Variants in STX17 observed in about 807,000 individuals in gnomAD.
STX17 encodes the protein syntaxin 17, also known as syntaxin-17.
Under a neutral mutation model 35.9 loss-of-function variants are expected in STX17, and 29 were observed. The observed-to-expected ratio is 0.81, with a 90% CI of 0.60 to 1.10. The LOEUF (loss-of-function observed/expected upper bound fraction) is 1.10. Among genes scored for constraint, STX17 ranks in the 50% least tolerant of loss-of-function variants. The pLI is 0.00. For synonymous variants in STX17, 92 were observed against 118.3 expected (o/e 0.78, Z 1.44); for missense variants, 312 against 352.3 (o/e 0.89, Z 0.92).
intron 2 of STX17, among the ~76,000 whole-genome samples, chr9:99,926,251 TAAC>T (rs1301776448): frequency 1.3e-5 from 2 of 152,152 alleles, no homozygotes; most frequent in Non-Finnish European, 2.9e-5. Context: ...CATATCATAA[TAAC>T]TGTTTTTAAT....
intron 4 of STX17, 116 bp downstream of exon 4, chr9:99,951,401 A>G (rs144907410): frequency 4.6e-4 from 399 of 872,100 alleles, no homozygotes; most frequent in Non-Finnish European, 5.4e-4. Flanking sequence ...CACTATCCCA[A>G]TATGCTGAAT....
intron 3 of STX17, among the ~76,000 whole-genome samples, chr9:99,931,019 C>T (rs1408943968): frequency 6.6e-6 from 1 of 152,140 alleles, no homozygotes. Flanking sequence ...CTCTTTCGCC[C>T]AGGCTGGAGT....
chr9:99,941,815 A>G (rs553822412), intron 3 of STX17, among the ~76,000 whole-genome samples: 5 of 152,324 alleles, frequency 3.3e-5, no homozygotes, highest in South Asian at 4.1e-4. Context: ...GTTTTTGCCT[A>G]TAACAATAGT....
At chr9:99,946,389 C>T (rs150702419) in intron 3 of STX17, among the ~76,000 whole-genome samples, 20 of 152,218 alleles carry the variant, frequency 1.3e-4, no homozygotes, top group Non-Finnish European at 2.4e-4. Flanking sequence ...GAAATTACAA[C>T]GTACATCTTT....
At chr9:99,928,078 A>G (rs1372570472) in intron 2 of STX17, among the ~76,000 whole-genome samples, 1 of 152,164 alleles carries the variant, frequency 6.6e-6, no homozygotes, top group East Asian at 1.9e-4. Context: ...ATCTGCTAAC[A>G]TTTTAATTAT....
chr9:99,924,796 A>G (rs1001671542), intron 2 of STX17, among the ~76,000 whole-genome samples: 2 of 150,702 alleles, frequency 1.3e-5, no homozygotes, highest in Middle Eastern at 3.2e-3. Flanking sequence ...TGCCCTGGCT[A>G]GGGCCTCCAG....
intron 3 of STX17, chr9:99,945,975 C>T (rs796471097): frequency 3.9e-5 from 6 of 155,842 alleles, no homozygotes; most frequent in South Asian, 3.7e-4. Flanking sequence ...CCCAGCTACT[C>T]GGGAGGCTGA....
At position 99,928,824 on chromosome 9, in the gene STX17, A is replaced by T. The variant is rs1411496862; in HGVS notation, c.170A>T (p.Asn57Ile). 2 of 1,613,602 alleles carry T rather than the reference A, an allele frequency of 1.2e-6. No individual in the cohort carries two copies. The highest frequency in any genetic ancestry group is 2.2e-5 in the East Asian group (1 of 44,782). ...IWDKLHEEHI[N>I]AGRTVQQLRS... ...GACAAGTTGCATGAAGAGCATATCA[A>T]TGCAGGACGTACAGTTCAGGTAAGG... The change falls in exon 3 of 8, where the codon AAT becomes ATT. Residue 57 changes from asparagine to isoleucine, a missense_variant. Transcript: ENST00000259400.
rs192388644 is a variant in STX17, at chr9:99,973,558, A to G, written c.*4885A>G. 3.4e-4 allele frequency among the ~76,000 whole-genome samples: 52 copies of G among 152,312 alleles called. No individual in the cohort carries two copies. Among genetic ancestry groups the G allele is most frequent in the Admixed American group, 7.8e-4 (12 of 15,292 alleles). On this transcript the variant is annotated 3_prime_UTR_variant, in exon 8 of 8. Transcript: ENST00000259400. The stretch of plus-strand genomic sequence containing the variant: ...AATCTTTCAACCTTAGTGGTCACCA[A>G]CTTGACTCCATTCCTTATATCAAGA...
At chr9:99,963,655 T>G (rs562782936) in intron 6 of STX17, among the ~76,000 whole-genome samples, 127 of 152,248 alleles carry the variant, frequency 8.3e-4, no homozygotes, top group South Asian at 1.9e-3. Context: ...CTTGTTTGGC[T>G]CCTTGCAAAA....
chr9:99,931,568 T>TTGCTTACACATTTCTTTGGC, intron 3 of STX17, among the ~76,000 whole-genome samples: 1 of 152,104 alleles, frequency 6.6e-6, no homozygotes, highest in African/African-American at 2.4e-5. Context: ...TCTATCCCAT[T>TTGCTTACACATTTCTTTGGC]TGCTTACACA....
At chr9:99,951,386 C>A in intron 4 of STX17, 101 bp downstream of exon 4, 1 of 1,013,878 alleles carries the variant, frequency 9.9e-7, no homozygotes. Context: ...TCTTCAGAGA[C>A]CATTCACTAT....
intron 3 of STX17, among the ~76,000 whole-genome samples, chr9:99,933,366 C>A (rs1474063351): frequency 1.3e-5 from 2 of 152,120 alleles, no homozygotes; most frequent in Admixed American, 1.3e-4. Flanking sequence ...TACAATACTT[C>A]CACAGTATCC....
chr9:99,959,510 A>G (rs1194708054), intron 4 of STX17, among the ~76,000 whole-genome samples: 2 of 130,860 alleles, frequency 1.5e-5, no homozygotes, highest in Non-Finnish European at 3.1e-5. Flanking sequence ...CCTAGGCTGG[A>G]GTGCAGCGGC....
intron 3 of STX17, among the ~76,000 whole-genome samples, chr9:99,945,046 A>G (rs1458708834): frequency 6.6e-6 from 1 of 152,024 alleles, no homozygotes; most frequent in Non-Finnish European, 1.5e-5. Context: ...ATTGTTCTCC[A>G]TGTGTATTTG....
At chr9:99,922,777 A>G (rs1235005209) in intron 2 of STX17, among the ~76,000 whole-genome samples, 1 of 152,204 alleles carries the variant, frequency 6.6e-6, no homozygotes, top group Non-Finnish European at 1.5e-5. Flanking sequence ...TGGGACTATC[A>G]TTCACTAGTC....
At chr9:99,955,652 G>A (rs1829691879) in intron 4 of STX17, among the ~76,000 whole-genome samples, 1 of 151,942 alleles carries the variant, frequency 6.6e-6, no homozygotes, top group Non-Finnish European at 1.5e-5. Flanking sequence ...GAGAGTACTT[G>A]GATATATATA....
chr9:99,951,583 G>A (rs1829598498), intron 4 of STX17, among the ~76,000 whole-genome samples: 1 of 152,016 alleles, frequency 6.6e-6, no homozygotes, highest in Admixed American at 6.6e-5. Flanking sequence ...TGTCTGCAAA[G>A]TACTCTTTAC....
intron 2 of STX17, chr9:99,916,049 G>T (rs1260594764): frequency 4.4e-6 from 2 of 455,442 alleles, no homozygotes; most frequent in Non-Finnish European, 8.8e-6. Context: ...TTCTCTTTAG[G>T]TATACATACA....
Sources: gnomAD v4.1 joint callset for allele counts (sites outside exome capture counted in the v4.1 genomes callset) on GRCh38, gnomAD v4.1.1 for gene constraint, MANE v1.5 for transcripts, NCBI Gene and HGNC (gene_info 2026-07-23, HGNC 2026-07-21) for gene names.